Variants in ZBTB38 observed in about 807,000 individuals in gnomAD.
ZBTB38 encodes zinc finger and BTB domain-containing protein 38.
Under a neutral mutation model 76.8 loss-of-function variants are expected in ZBTB38, and 20 were observed. The ratio of observed to expected loss-of-function variants is 0.26; its 90% CI spans 0.18 to 0.38. The LOEUF is 0.38. Among genes scored for constraint, ZBTB38 ranks in the 10% least tolerant of loss-of-function variants. The pLI, the probability that ZBTB38 is intolerant of heterozygous loss-of-function variation, is 1.00. For missense variants in ZBTB38, 1,082 were observed against 1,482.3 expected, an observed-to-expected ratio of 0.73 and a Z score of 4.43; for synonymous variants, 504 against 544.2, an observed-to-expected ratio of 0.93 and a Z score of 1.03.
intron 2 of ZBTB38, among the ~76,000 whole-genome samples, chr3:141,375,793 A>G (rs1945279354): frequency 6.6e-6 from 1 of 152,132 alleles, no homozygotes; most frequent in Admixed American, 6.5e-5. Flanking sequence ...GGCCTCAAGG[A>G]TGGAGTCCCA....
chr3:141,328,727 T>C (rs1195006502), intron 1 of ZBTB38, among the ~76,000 whole-genome samples: 1 of 151,994 alleles, frequency 6.6e-6, no homozygotes, highest in African/African-American at 2.4e-5. Context: ...TCCAAGGCGC[T>C]CTGTCACCCC....
chr3:141,382,416 C>A (rs1946329937), intron 3 of ZBTB38, among the ~76,000 whole-genome samples: 1 of 152,126 alleles, frequency 6.6e-6, no homozygotes, highest in Non-Finnish European at 1.5e-5. Context: ...ATAATAAACT[C>A]ACTTATGAAG....
intron 1 of ZBTB38, among the ~76,000 whole-genome samples, chr3:141,330,799 T>A (rs2148879835): frequency 6.6e-6 from 1 of 152,334 alleles, no homozygotes; most frequent in Non-Finnish European, 1.5e-5. Context: ...GGAGGGGAAC[T>A]GGTGGTTTTA....
intron 5 of ZBTB38, among the ~76,000 whole-genome samples, chr3:141,430,585 G>T (rs1307946830): frequency 1.3e-5 from 2 of 152,206 alleles, no homozygotes; most frequent in Non-Finnish European, 2.9e-5. Flanking sequence ...ATTTATCCAG[G>T]AAGTACCAAT....
At chr3:141,395,537 A>G (rs1269875695) in intron 4 of ZBTB38, among the ~76,000 whole-genome samples, 2 of 152,212 alleles carry the variant, frequency 1.3e-5, no homozygotes, top group Admixed American at 6.5e-5. Context: ...AGGTATTTAT[A>G]TAACAAGTGA....
chr3:141,384,122 C>T (rs1211646947), intron 3 of ZBTB38, among the ~76,000 whole-genome samples: 2 of 152,234 alleles, frequency 1.3e-5, no homozygotes, highest in Admixed American at 6.5e-5. Flanking sequence ...AAACGTACCA[C>T]GTTTACTGAT....
intron 1 of ZBTB38, among the ~76,000 whole-genome samples, chr3:141,326,694 T>C (rs1354618340): frequency 6.6e-6 from 1 of 152,224 alleles, no homozygotes; most frequent in African/African-American, 2.4e-5. Context: ...TTTACAATGA[T>C]ACTCTTGGTT....
At chr3:141,351,191 A>G (rs777914486) in intron 1 of ZBTB38, among the ~76,000 whole-genome samples, 19 of 152,216 alleles carry the variant, frequency 1.2e-4, no homozygotes, top group Non-Finnish European at 2.6e-4. Context: ...TAGAGAACTG[A>G]CATTACTGTT....
chr3:141,399,119 T>A (rs2162655), intron 4 of ZBTB38, among the ~76,000 whole-genome samples: 4 of 127,998 alleles, frequency 3.1e-5, no homozygotes, highest in African/African-American at 7.5e-5. Context: ...TTGATCAGAT[T>A]TATATTCCTT....
chr3:141,330,058 A>G (rs1284423210), intron 1 of ZBTB38, among the ~76,000 whole-genome samples: 1 of 152,076 alleles, frequency 6.6e-6, no homozygotes, highest in Non-Finnish European at 1.5e-5. Context: ...ATATATATAA[A>G]ATAATGAAGG....
chr3:141,345,879 A>G (rs376644928), intron 1 of ZBTB38, among the ~76,000 whole-genome samples: 1 of 152,048 alleles, frequency 6.6e-6, no homozygotes, highest in Non-Finnish European at 1.5e-5. Context: ...AGACACCCCC[A>G]TGGATTTCCC....
intron 2 of ZBTB38, 76 bp downstream of exon 2, chr3:141,370,022 C>A (rs915836088): frequency 6.6e-6 from 1 of 151,912 alleles, no homozygotes; most frequent in African/African-American, 2.4e-5. Flanking sequence ...TGGTAAGATT[C>A]AAAGAAAAGG....
intron 5 of ZBTB38, among the ~76,000 whole-genome samples, chr3:141,418,812 G>T (rs1008157300): frequency 6.6e-6 from 1 of 152,114 alleles, no homozygotes; most frequent in African/African-American, 2.4e-5. Context: ...AATCTTCTCA[G>T]GTGTTATTCT....
intron 2 of ZBTB38, among the ~76,000 whole-genome samples, chr3:141,377,483 T>A (rs111452521): frequency 5.8e-4 from 89 of 152,252 alleles, no homozygotes; most frequent in African/African-American, 2.0e-3. Context: ...GGACACTGGA[T>A]CTCTCCTACA....
chr3:141,442,871 G>A lies in ZBTB38; in HGVS notation c.483G>A (p.Gly161=), dbSNP rs1445057060. The A allele has an allele frequency of 1.2e-6, 2 of 1,614,198 alleles. No homozygotes were observed. Among genetic ancestry groups the A allele is most frequent in the East Asian group, 2.2e-5 (1 of 44,884 alleles). Residue 161 remains glycine, a synonymous_variant, in exon 6 of 6, where the codon GGG becomes GGA. Coordinates refer to ENST00000321464, the MANE Select transcript of ZBTB38 (RefSeq NM_001376113.1). The surrounding 1 kb of genome is among the most constrained non-coding windows in gnomAD (Gnocchi z 6.4). ...ATGAAGAACCAGCCATCACTAATGG[G>A]CCAAGGATCACAAATGCATTTTCCA... ...KRHEEPAITN[G]PRITNAFSII...
At chr3:141,407,888 C>T (rs987451089) in intron 5 of ZBTB38, among the ~76,000 whole-genome samples, 36 of 152,170 alleles carry the variant, frequency 2.4e-4, no homozygotes, top group African/African-American at 8.4e-4. Context: ...AAAACAAATA[C>T]GTTCCAGAGA....
rs2080696312 is a variant in ZBTB38, at chr3:141,443,659, G to A, written c.1271G>A (p.Gly424Asp). ...GGACAAAATGGAGGTTCATTCACAG[G>A]TCCAGAACCTTTATTATCTGAAAAT... ...TIGQNGGSFT[G>D]PEPLLSENRI... The change falls in exon 6 of 6, where the codon GGT (glycine) becomes GAT (aspartate). Residue 424 changes from glycine (G) to aspartate (D), a missense_variant. By Grantham distance (94) the Gly-to-Asp change is moderately conservative (BLOSUM62 -1). Transcript: ENST00000321464. The surrounding 1 kb of genome is among the most constrained non-coding windows in gnomAD (Gnocchi z 5.6). 4.3e-6 allele frequency: 7 copies of A among 1,614,038 alleles called. No individual in the cohort carries two copies. The highest frequency in any genetic ancestry group is 5.9e-6 in the Non-Finnish European group (7 of 1,180,038).
At chr3:141,348,386 A>G (rs1423927924) in intron 1 of ZBTB38, among the ~76,000 whole-genome samples, 8 of 152,258 alleles carry the variant, frequency 5.3e-5, no homozygotes, top group Non-Finnish European at 1.0e-4. Flanking sequence ...AGTAGTAGTT[A>G]CAGTAAAAGA....
intron 4 of ZBTB38, chr3:141,402,323 C>A (rs927616704): frequency 6.6e-6 from 1 of 151,380 alleles, no homozygotes; most frequent in African/African-American, 2.4e-5. Context: ...GCGGGCCGGG[C>A]CGGCAGAGCC....
Sources: gnomAD v4.1 joint callset for allele counts (sites outside exome capture counted in the v4.1 genomes callset) on GRCh38, gnomAD v4.1.1 for gene constraint, Gnocchi (gnomAD v3.1) non-coding constraint, MANE v1.5 for transcripts, NCBI Gene and HGNC (gene_info 2026-07-23, HGNC 2026-07-21) for gene names.